The following ITFG1 variants were observed in gnomAD, a reference collection of about 807,000 sequenced individuals.
ITFG1 encodes integrin alpha FG-GAP repeat containing 1.
A neutral mutation model predicts 81.8 loss-of-function variants in ITFG1; 34 were observed. The observed-to-expected ratio is 0.42, with a 90% CI of 0.32 to 0.55. ITFG1 has a LOEUF of 0.55. ITFG1 is among the 20% of genes least tolerant of loss of function. The pLI is 0.17. For synonymous variants in ITFG1, 285 were observed against 270.6 expected (o/e 1.05, Z -0.52); for missense variants, 672 against 755.4 (o/e 0.89, Z 1.29).
intron 8 of ITFG1, among the ~76,000 whole-genome samples, chr16:47,346,948 C>CACA (rs1044571475): frequency 1.4e-4 from 21 of 152,274 alleles, no homozygotes; most frequent in African/African-American, 4.8e-4. Context: ...CAGCCCAGGA[C>CACA]ACAACAACAA....
chr16:47,339,820 C>A (rs1447870776), intron 8 of ITFG1, among the ~76,000 whole-genome samples: 1 of 151,742 alleles, frequency 6.6e-6, no homozygotes, highest in African/African-American at 2.4e-5. Flanking sequence ...GGCCAAAAAC[C>A]TTTAGAAATT....
intron 6 of ITFG1, among the ~76,000 whole-genome samples, chr16:47,396,524 TTG>T (rs59625674): frequency 8.0e-5 from 12 of 149,140 alleles, no homozygotes; most frequent in Non-Finnish European, 1.5e-4. Context: ...AATAATTATT[TTG>T]TGTGTGTGTG....
At chr16:47,192,873 C>T (rs1358996865) in intron 14 of ITFG1, among the ~76,000 whole-genome samples, 2 of 152,178 alleles carry the variant, frequency 1.3e-5, no homozygotes, top group African/African-American at 4.8e-5. Context: ...AAGGCTGGGC[C>T]TCCAGGAGTT....
chr16:47,367,402 C>T (rs761435970), intron 7 of ITFG1, among the ~76,000 whole-genome samples: 5 of 152,174 alleles, frequency 3.3e-5, no homozygotes, highest in Non-Finnish European at 7.3e-5. Context: ...GCTAAAAGTC[C>T]CAATCCTCTA....
At position 47,460,871 on chromosome 16, in the gene ITFG1, C is replaced by G; in HGVS notation, c.175G>C (p.Asp59His). ...AGCACGAAGAGATCCGTCTGCTTGT[C>G]GGAGTTGAGGTCCCCGAAAGCCGCA... ...TLAAFGDLNS[D>H]KQTDLFVLRE... is the part of the protein sequence containing the mutation. The change falls in exon 1 of 18, where the codon GAC becomes CAC. Residue 59 changes from aspartate (D) to histidine (H), a missense_variant. Physicochemically the swap from Asp to His is moderately conservative, Grantham distance 81. This residue lies in a region of ITFG1 where 560 missense variants were observed against 625.7 expected (regional missense o/e 0.90). Coordinates refer to ENST00000320640, the MANE Select transcript of ITFG1 (RefSeq NM_030790.5). 6.2e-7 allele frequency: 1 copy of G among 1,613,688 alleles called. No homozygotes were observed. The highest frequency in any genetic ancestry group is 1.3e-5 in the African/African-American group (1 of 75,056).
rs1306566898 is a variant in ITFG1, at chr16:47,396,746, C to A, written c.656-20806G>T. On this transcript the variant is annotated intron_variant, in intron 6 of 17. Transcript: ENST00000320640. ...AGTGGACTGCAGGCCCCAGTGAGAT[C>A]CAAAAAGCGTTGCAGGGAGGGCACT... 3.3e-5 allele frequency among the ~76,000 whole-genome samples: 5 copies of A among 151,964 alleles called. No homozygotes were observed. The South Asian group carries it at 8.3e-4, about 25-fold the overall frequency.
chr16:47,244,895 A>T (rs1030201738), intron 12 of ITFG1, among the ~76,000 whole-genome samples: 2 of 151,948 alleles, frequency 1.3e-5, no homozygotes, highest in Admixed American at 6.6e-5. Context: ...AAACCAGGAG[A>T]TGAGGCTGCT....
At chr16:47,412,613 G>A (rs1968825734) in intron 6 of ITFG1, among the ~76,000 whole-genome samples, 1 of 150,220 alleles carries the variant, frequency 6.7e-6, no homozygotes, top group Non-Finnish European at 1.5e-5. Flanking sequence ...AGAATCACTT[G>A]AACCCAAGGA....
intron 16 of ITFG1, among the ~76,000 whole-genome samples, chr16:47,160,268 T>G (rs1964782829): frequency 6.6e-6 from 1 of 151,530 alleles, no homozygotes; most frequent in South Asian, 2.1e-4. Flanking sequence ...TTCCTGCATA[T>G]CCTTTCAGAG....
At chr16:47,271,616 T>G (rs993966289) in intron 10 of ITFG1, among the ~76,000 whole-genome samples, 1 of 152,166 alleles carries the variant, frequency 6.6e-6, no homozygotes, top group East Asian at 1.9e-4. Context: ...TCCCAGCACT[T>G]TGGGAGGCCG....
intron 8 of ITFG1, among the ~76,000 whole-genome samples, chr16:47,336,617 C>A (rs2151575756): frequency 6.6e-6 from 1 of 152,308 alleles, no homozygotes; most frequent in East Asian, 1.9e-4. Context: ...GATGATGGAT[C>A]AAGTCATACA....
At chr16:47,171,739 G>C (rs1288234580) in intron 14 of ITFG1, among the ~76,000 whole-genome samples, 1 of 151,898 alleles carries the variant, frequency 6.6e-6, no homozygotes, top group Non-Finnish European at 1.5e-5. Flanking sequence ...TTTGTTTTTA[G>C]TTATCTCAAG....
chr16:47,426,980 GGTGGGAA>G (rs1969028751), intron 6 of ITFG1, among the ~76,000 whole-genome samples: 2 of 152,176 alleles, frequency 1.3e-5, no homozygotes, highest in South Asian at 4.1e-4. Flanking sequence ...CACAAAAACA[GGTGGGAA>G]GTGGGGGCGG....
intron 10 of ITFG1, among the ~76,000 whole-genome samples, chr16:47,306,233 G>GA (rs1967156383): frequency 6.6e-6 from 1 of 151,896 alleles, no homozygotes; most frequent in African/African-American, 2.4e-5. Flanking sequence ...AGGCAGAAAA[G>GA]AAAATAAAAA....
At chr16:47,284,946 T>C (rs1349264036) in intron 10 of ITFG1, among the ~76,000 whole-genome samples, 1 of 152,224 alleles carries the variant, frequency 6.6e-6, no homozygotes, top group Non-Finnish European at 1.5e-5. Flanking sequence ...GAAGCTATCA[T>C]GTTATAGAAA....
At chr16:47,254,636 TC>T in intron 12 of ITFG1, among the ~76,000 whole-genome samples, 1 of 152,318 alleles carries the variant, frequency 6.6e-6, no homozygotes, top group East Asian at 1.9e-4. Flanking sequence ...AAAAGTAGTT[TC>T]AAGGCTTGAA....
chr16:47,187,533 T>C (rs868286791), intron 14 of ITFG1, among the ~76,000 whole-genome samples: 3,094 of 152,218 alleles, frequency 0.02, 106 homozygotes, highest in African/African-American at 0.07. Context: ...ATTTAATAAA[T>C]GGTGCTGGGA....
At chr16:47,440,163 C>T (rs994867703) in intron 5 of ITFG1, among the ~76,000 whole-genome samples, 1 of 152,112 alleles carries the variant, frequency 6.6e-6, no homozygotes, top group Non-Finnish European at 1.5e-5. Flanking sequence ...GCACCCAATA[C>T]AGGAGCACCC....
At chr16:47,459,554 G>A (rs1969496856) in intron 1 of ITFG1, among the ~76,000 whole-genome samples, 1 of 152,168 alleles carries the variant, frequency 6.6e-6, no homozygotes, top group Non-Finnish European at 1.5e-5. Context: ...TTGTAAGGCT[G>A]TTTGGTTCAT....
Sources: gnomAD v4.1 joint callset for allele counts (sites outside exome capture counted in the v4.1 genomes callset) on GRCh38, gnomAD v4.1.1 for gene constraint, gnomAD v4.1.1 regional missense constraint, MANE v1.5 for transcripts, NCBI Gene and HGNC (gene_info 2026-07-23, HGNC 2026-07-21) for gene names.